The following EYS variants were observed in gnomAD, a reference collection of about 807,000 sequenced individuals.
The protein encoded by EYS is protein eyes shut homolog.
In EYS, 250 loss-of-function variants were observed where a neutral mutation model predicts 282.1. The ratio of observed to expected loss-of-function variants is 0.89; its 90% CI spans 0.80 to 0.98. The LOEUF (loss-of-function observed/expected upper bound fraction) is 0.98, where lower values mean the gene tolerates loss of function less well. EYS is among the 50% of genes least tolerant of loss of function. The pLI is 0.00. For missense variants in EYS, 4,016 were observed against 3,709.0 expected, an observed-to-expected ratio of 1.08 and a Z score of -2.15; for synonymous variants, 1,355 against 1,282.9, an observed-to-expected ratio of 1.06 and a Z score of -1.20.
intron 14 of EYS, among the ~76,000 whole-genome samples, chr6:64,950,335 A>C (rs755710055): frequency 3.3e-5 from 5 of 152,002 alleles, no homozygotes; most frequent in Non-Finnish European, 7.4e-5. Flanking sequence ...TGAAGAGAAT[A>C]GAAAAACAGG....
chr6:64,581,007 T>G (rs1002009642), intron 26 of EYS, among the ~76,000 whole-genome samples: 5 of 152,112 alleles, frequency 3.3e-5, no homozygotes, highest in African/African-American at 9.7e-5. Flanking sequence ...AAGATTACAA[T>G]TTTATCTCAA....
intron 24 of EYS, among the ~76,000 whole-genome samples, chr6:64,615,900 T>G (rs9353967): frequency 0.49 from 74,396 of 151,854 alleles, 18,397 homozygotes; most frequent in South Asian, 0.6. Context: ...TGTGGTCTTA[T>G]AAAACTATAT....
chr6:65,395,258 T>G (rs959418910), intron 7 of EYS, among the ~76,000 whole-genome samples: 14 of 152,136 alleles, frequency 9.2e-5, no homozygotes, highest in Middle Eastern at 6.3e-3. Flanking sequence ...AGATGGGGTT[T>G]CTCCATGTTG....
rs1025618475 is a variant in EYS at position 65,001,903 on chromosome 6, T to C, written c.2138-4200A>G. Among the ~76,000 whole-genome samples, 4 of 147,110 alleles carry C rather than the reference T, an allele frequency of 2.7e-5. 1 individual carries two copies. Among genetic ancestry groups the C allele is most frequent in the Non-Finnish European group, 6.1e-5 (4 of 65,878 alleles). ...GATTATATTATGAAATACATTAATATATTAAGTATTCAAATTTTACATTTC... is the reference window on the plus strand; with the variant it reads ...GATTATATTATGAAATACATTAATACATTAAGTATTCAAATTTTACATTTC... On this transcript the variant is annotated intron_variant, in intron 13 of 42. Transcript: ENST00000503581.
intron 12 of EYS, among the ~76,000 whole-genome samples, chr6:65,252,992 G>C (rs964890524): frequency 6.6e-6 from 1 of 151,858 alleles, no homozygotes; most frequent in Admixed American, 6.6e-5. Context: ...AGACATCCCT[G>C]TACCAAGAAA....
chr6:64,691,087 A>T (rs1277657114), intron 22 of EYS, among the ~76,000 whole-genome samples: 1 of 152,128 alleles, frequency 6.6e-6, no homozygotes, highest in Non-Finnish European at 1.5e-5. Flanking sequence ...ATCATTTGAA[A>T]ATTTTATCAT....
At chr6:63,754,587 A>G (rs1350064014) in intron 41 of EYS, among the ~76,000 whole-genome samples, 2 of 152,128 alleles carry the variant, frequency 1.3e-5, no homozygotes. Context: ...TATCCAGTCT[A>G]TCATTGATGG....
At chr6:65,380,234 C>G (rs1454438457) in intron 8 of EYS, among the ~76,000 whole-genome samples, 1 of 152,076 alleles carries the variant, frequency 6.6e-6, no homozygotes, top group African/African-American at 2.4e-5. Context: ...CAAGGCTACA[C>G]AGTAACCAAA....
chr6:64,678,920 G>A (rs1243820683), intron 22 of EYS, among the ~76,000 whole-genome samples: 1 of 150,792 alleles, frequency 6.6e-6, no homozygotes, highest in African/African-American at 2.4e-5. Flanking sequence ...CTGGGAGGCA[G>A]AGGTTGCAAT....
chr6:64,164,794 G>T (rs1306701354), intron 31 of EYS, among the ~76,000 whole-genome samples: 2 of 151,994 alleles, frequency 1.3e-5, no homozygotes, highest in Non-Finnish European at 2.9e-5. Context: ...ACAAATTGTT[G>T]GTCCTCTGCC....
chr6:65,100,357 GT>G (rs1347243258), intron 12 of EYS, among the ~76,000 whole-genome samples: 2 of 150,444 alleles, frequency 1.3e-5, no homozygotes, highest in Non-Finnish European at 3.0e-5. Flanking sequence ...TTAATCAGAA[GT>G]TTTTTTAATG....
intron 41 of EYS, among the ~76,000 whole-genome samples, chr6:63,748,306 T>C (rs1353807978): frequency 6.6e-6 from 1 of 152,206 alleles, no homozygotes; most frequent in African/African-American, 2.4e-5. Context: ...TTTGCTATTG[T>C]TGAACCAACT....
intron 29 of EYS, among the ~76,000 whole-genome samples, chr6:64,361,241 C>A (rs981689873): frequency 6.6e-6 from 1 of 151,230 alleles, no homozygotes; most frequent in Non-Finnish European, 1.5e-5. Flanking sequence ...TGTGCAAGGC[C>A]CTGTCCAAAA....
At chr6:64,038,467 TTAAAA>T (rs1464859652) in intron 33 of EYS, among the ~76,000 whole-genome samples, 3 of 152,124 alleles carry the variant, frequency 2.0e-5, no homozygotes, top group Non-Finnish European at 4.4e-5. Context: ...AAACAATACA[TTAAAA>T]TAAAAGTCTT....
intron 22 of EYS, among the ~76,000 whole-genome samples, chr6:64,759,333 C>T (rs556787229): frequency 6.6e-6 from 1 of 152,144 alleles, no homozygotes; most frequent in Non-Finnish European, 1.5e-5. Context: ...CTTATCACCA[C>T]TTCTCTTAGT....
At chr6:65,098,698 A>G (rs1026337862) in intron 12 of EYS, among the ~76,000 whole-genome samples, 5 of 150,868 alleles carry the variant, frequency 3.3e-5, no homozygotes, top group African/African-American at 1.2e-4. Context: ...CTGGTAGAAC[A>G]GCAACTAAAT....
At chr6:64,436,328 T>A (rs1326729573) in intron 27 of EYS, 63 bp from the exon 28 acceptor site, 1 of 793,120 alleles carries the variant, frequency 1.3e-6, no homozygotes. Flanking sequence ...ACCATATATT[T>A]GCACTGGACT....
At chr6:63,904,522 T>C (rs1348346106) in intron 35 of EYS, among the ~76,000 whole-genome samples, 1 of 152,140 alleles carries the variant, frequency 6.6e-6, no homozygotes, top group African/African-American at 2.4e-5. Flanking sequence ...TCCTGGATAA[T>C]AGGGGAAGTC....
At chr6:63,953,499 T>C (rs926989399) in intron 35 of EYS, among the ~76,000 whole-genome samples, 6 of 152,120 alleles carry the variant, frequency 3.9e-5, no homozygotes, top group African/African-American at 1.4e-4. Context: ...TAAAAACAAA[T>C]GTGCTCTCCC....
Sources: gnomAD v4.1 joint callset for allele counts (sites outside exome capture counted in the v4.1 genomes callset) on GRCh38, gnomAD v4.1.1 for gene constraint, MANE v1.5 for transcripts, NCBI Gene and HGNC (gene_info 2026-07-23, HGNC 2026-07-21) for gene names.